The following RLIG1 variants were observed in gnomAD, a reference collection of about 807,000 sequenced individuals.
RLIG1 encodes RNA 5'-phosphate and 3'-OH ligase 1, also known as RNA ligase 1.
chr12:88,038,000 A>T, the RLIG1 span, among the ~76,000 whole-genome samples: 1 of 152,210 alleles, frequency 6.6e-6, no homozygotes, highest in African/African-American at 2.4e-5. Context: ...GCTGAAAGGG[A>T]CAAAAAGTGA....
At chr12:88,041,090 C>T in the RLIG1 span, among the ~76,000 whole-genome samples, 1 of 152,130 alleles carries the variant, frequency 6.6e-6, no homozygotes, top group Admixed American at 6.5e-5. Context: ...AAATGCTACC[C>T]ATGAAACAAC....
At chr12:88,048,444 T>C in the RLIG1 span, 3 of 1,196,200 alleles carry the variant, frequency 2.5e-6, no homozygotes, top group Non-Finnish European at 3.5e-6. Flanking sequence ...AATTAGTTTA[T>C]CATTATATTC....
the RLIG1 span, chr12:88,048,946 T>TAGAGA: frequency 9.4e-6 from 3 of 317,494 alleles, no homozygotes; most frequent in Non-Finnish European, 1.7e-5. Context: ...ATTATGAATG[T>TAGAGA]AGAGAAATTC....
At chr12:88,036,028 C>G in the RLIG1 span, 5 of 1,465,334 alleles carry the variant, frequency 3.4e-6, no homozygotes, top group African/African-American at 5.6e-5. Flanking sequence ...CACAGCATGT[C>G]CCTTCCTTTT....
chr12:88,037,194 A>G, the RLIG1 span, among the ~76,000 whole-genome samples: 1 of 152,144 alleles, frequency 6.6e-6, no homozygotes, highest in Admixed American at 6.5e-5. Flanking sequence ...TTCACTCTGG[A>G]TCACCTCTAG....
the RLIG1 span, among the ~76,000 whole-genome samples, chr12:88,040,798 T>C: frequency 2.5e-4 from 1 of 3,956 alleles, no homozygotes; most frequent in East Asian, 0.25. Context: ...GAAAAGAGAT[T>C]TTTTTTTTTG....
the RLIG1 span, chr12:88,048,255 T>C: frequency 4.4e-6 from 7 of 1,580,076 alleles, no homozygotes; most frequent in Admixed American, 3.6e-5. Flanking sequence ...TCATCTTGGC[T>C]TATGCTGGCC....
At chr12:88,048,078 T>C in the RLIG1 span, among the ~76,000 whole-genome samples, 1 of 151,444 alleles carries the variant, frequency 6.6e-6, no homozygotes, top group African/African-American at 2.4e-5. Flanking sequence ...TAAACAAATA[T>C]GTAATATGTC....
the RLIG1 span, chr12:88,049,447 T>A: frequency 9.4e-7 from 1 of 1,065,286 alleles, no homozygotes. Flanking sequence ...AAGTTGCATA[T>A]AGGAAATATA....
chr12:88,047,612 TTAAC>T, the RLIG1 span, among the ~76,000 whole-genome samples: 5 of 152,252 alleles, frequency 3.3e-5, no homozygotes, highest in African/African-American at 1.2e-4. Flanking sequence ...GATTCATGCT[TTAAC>T]TATCATATCA....
chr12:88,048,305 C>T, the RLIG1 span: 17 of 1,602,892 alleles, frequency 1.1e-5, no homozygotes, highest in African/African-American at 1.3e-5. Flanking sequence ...CAGTTATTAT[C>T]AACATGAACC....
chr12:88,036,662 T>C, the RLIG1 span, among the ~76,000 whole-genome samples: 7 of 152,332 alleles, frequency 4.6e-5, no homozygotes, highest in South Asian at 1.2e-3. Flanking sequence ...TTTTACCTTA[T>C]AGCATCTGAT....
At chr12:88,042,936 A>C in the RLIG1 span, 2 of 1,479,826 alleles carry the variant, frequency 1.4e-6, no homozygotes, top group African/African-American at 2.9e-5. Flanking sequence ...TTTTTTTTTA[A>C]CTTTTCATGT....
the RLIG1 span, chr12:88,035,831 T>G: frequency 2.6e-6 from 4 of 1,541,388 alleles, no homozygotes; most frequent in Non-Finnish European, 3.5e-6. Flanking sequence ...GGCTGGGCGC[T>G]TTAGAACTGC....
chr12:88,040,106 G>A, the RLIG1 span: 4 of 1,057,270 alleles, frequency 3.8e-6, no homozygotes, highest in Non-Finnish European at 5.9e-6. Flanking sequence ...AGACATAGAG[G>A]CTATCTATCT....
At chr12:88,046,817 C>T in the RLIG1 span, 1 of 1,607,718 alleles carries the variant, frequency 6.2e-7, no homozygotes. Context: ...GGTTAGGGAG[C>T]AAGAAACATC....
the RLIG1 span, chr12:88,042,778 TAA>T: frequency 1.6e-6 from 2 of 1,219,074 alleles, no homozygotes; most frequent in Admixed American, 6.0e-5. Context: ...TCTTTCAAGA[TAA>T]GTTTTGTTTG....
At chr12:88,041,893 C>T in the RLIG1 span, 10 of 152,080 alleles carry the variant, frequency 6.6e-5, no homozygotes, top group African/African-American at 2.4e-4. Context: ...TATCATTATG[C>T]GTGAGGACGG....
At chr12:88,046,685 A>G in the RLIG1 span, 2 of 919,950 alleles carry the variant, frequency 2.2e-6, no homozygotes, top group African/African-American at 1.7e-5. Flanking sequence ...TTTTAAGGAA[A>G]CCAACCAGCC....
Sources: gnomAD v4.1 joint callset for allele counts (sites outside exome capture counted in the v4.1 genomes callset) on GRCh38, gnomAD v4.1.1 for gene constraint, MANE v1.5 for transcripts, NCBI Gene and HGNC (gene_info 2026-07-23, HGNC 2026-07-21) for gene names.